The following LRTM2 variants were observed in gnomAD, a reference collection of about 807,000 sequenced individuals.
The protein encoded by LRTM2 is leucine rich repeat transmembrane protein 2, also known as leucine-rich repeat and transmembrane domain-containing protein 2.
Under a neutral mutation model 28.1 loss-of-function variants are expected in LRTM2, and 18 were observed. That is an observed-to-expected ratio of 0.64 (90% CI 0.44 to 0.95). LRTM2 has a LOEUF of 0.95. Ranked by LOEUF, LRTM2 falls within the 40% of genes least tolerant of loss-of-function variation. The pLI, the probability that LRTM2 is intolerant of heterozygous loss-of-function variation, is 0.00. For missense variants in LRTM2, 436 were observed against 497.2 expected, an observed-to-expected ratio of 0.88 and a Z score of 1.17; for synonymous variants, 250 against 218.7, an observed-to-expected ratio of 1.14 and a Z score of -1.26.
rs985840693 is a variant in LRTM2 at position 1,833,265 on chromosome 12, C to G, written c.659-1002C>G. Among the ~76,000 whole-genome samples, 3 of 152,134 alleles carry G rather than the reference C, an allele frequency of 2.0e-5. No individual in the cohort carries two copies. Among genetic ancestry groups the G allele is most frequent in the African/African-American group, 7.2e-5 (3 of 41,422 alleles). On this transcript the variant is annotated intron_variant, in intron 4 of 4. Transcript: ENST00000299194. The surrounding 1 kb of genome is among the most constrained non-coding windows in gnomAD (Gnocchi z 4.2). Reference sequence around the variant, plus strand: ...GGGCTGCAGAGGGAGCTGCCAGTGACGGAGTGGCTGCAGCCCGCATCTTTT... The same window carrying G: ...GGGCTGCAGAGGGAGCTGCCAGTGAGGGAGTGGCTGCAGCCCGCATCTTTT...
rs1035091111 is a variant in LRTM2, at chr12:1,831,146, C to G, written c.279C>G (p.Ser93Arg). Residue 93 changes from serine to arginine, a missense_variant, in exon 4 of 5, where the codon AGC (serine) becomes AGG (arginine). Coordinates refer to ENST00000299194, the MANE Select transcript of LRTM2 (RefSeq NM_001039029.3). ...GCTGGGCTTTCGCCAACCTCTCCAG[C>G]CTGCAGCGGTTGGACCTGTCCAACA... is the stretch of plus-strand genomic sequence containing the variant. The part of the protein sequence containing the change: ...LPSWAFANLS[S>R]LQRLDLSNNF... The G allele has an allele frequency of 1.9e-6, 3 of 1,614,018 alleles. No homozygotes were observed. Among genetic ancestry groups the G allele is most frequent in the Non-Finnish European group, 2.5e-6 (3 of 1,180,046 alleles).
At chr12:1,825,035 TA>T (rs1420530941) in intron 1 of LRTM2, among the ~76,000 whole-genome samples, 1 of 152,234 alleles carries the variant, frequency 6.6e-6, no homozygotes, top group Non-Finnish European at 1.5e-5. Flanking sequence ...CACATTTCTC[TA>T]AACAATACCA....
rs182640073 is a variant in LRTM2, at chr12:1,829,185, G to A, written c.67+970G>A. On this transcript the variant is annotated intron_variant, in intron 3 of 4. Transcript: ENST00000299194. The surrounding 1 kb of genome is among the most constrained non-coding windows in gnomAD (Gnocchi z 4.2). ...AGGGAGGTGGGGGGCGCAGGGAGTC[G>A]CTCTTCCGCAGCGGCTCTCTTAGCC... Among the ~76,000 whole-genome samples the A allele has an allele frequency of 1.9e-4, 29 of 152,286 alleles. No homozygotes were observed. The highest frequency in any genetic ancestry group is 4.1e-4 in the South Asian group (2 of 4,826).
rs943215116 is a variant in LRTM2, at chr12:1,836,163, C to G, written c.*1442C>G. The G allele has an allele frequency of 6.6e-6, 1 of 152,404 alleles. No homozygotes were observed. Among genetic ancestry groups the G allele is most frequent in the Admixed American group, 6.5e-5 (1 of 15,288 alleles). 9.4% of individuals were successfully genotyped at this position (152,404 alleles called of 1,614,324 possible). On this transcript the variant is annotated 3_prime_UTR_variant, in exon 5 of 5. Coordinates refer to ENST00000299194, the MANE Select transcript of LRTM2 (RefSeq NM_001039029.3). ...GCCAAACCAGAGAGTGGGTGGGGAGCCTGTCTGGGACAGAGCCACCTGCTG... is the reference window on the plus strand; with the variant it reads ...GCCAAACCAGAGAGTGGGTGGGGAGGCTGTCTGGGACAGAGCCACCTGCTG...
chr12:1,827,917 C>G lies in LRTM2; in HGVS notation c.-73-159C>G, dbSNP rs542770624. On this transcript the variant is annotated intron_variant, in intron 2 of 4. Transcript: ENST00000299194. Reference sequence around the variant, plus strand: ...CGCCCCCATCCCAGGGGCTTGAAGGCTTCCTGGCTCCTCTTCTTCCCCCAC... The same window carrying G: ...CGCCCCCATCCCAGGGGCTTGAAGGGTTCCTGGCTCCTCTTCTTCCCCCAC... The G allele has an allele frequency of 3.4e-5, 14 of 411,118 alleles. No homozygotes were observed. The South Asian group carries it at 8.9e-4, about 26-fold the overall frequency. 25.5% of individuals were successfully genotyped at this position (411,118 alleles called of 1,614,324 possible).
chr12:1,824,942 A>G (rs1315195493), intron 1 of LRTM2, among the ~76,000 whole-genome samples: 1 of 152,236 alleles, frequency 6.6e-6, no homozygotes, highest in Non-Finnish European at 1.5e-5. Flanking sequence ...TCCAGGAGGA[A>G]GCCCAAGGGA....
intron 1 of LRTM2, among the ~76,000 whole-genome samples, chr12:1,821,722 C>T (rs1281126051): frequency 6.6e-6 from 1 of 152,152 alleles, no homozygotes; most frequent in Non-Finnish European, 1.5e-5. Context: ...TCCCCCAGAC[C>T]CATTTGGACA....
chr12:1,821,799 T>C (rs1216264150), intron 1 of LRTM2, among the ~76,000 whole-genome samples: 2 of 152,146 alleles, frequency 1.3e-5, no homozygotes, highest in East Asian at 3.9e-4. Context: ...CCTGCAGGTC[T>C]GGGGCTGGGT....
At chr12:1,825,386 T>C (rs937320092) in intron 1 of LRTM2, among the ~76,000 whole-genome samples, 2 of 152,306 alleles carry the variant, frequency 1.3e-5, no homozygotes, top group African/African-American at 4.8e-5. Context: ...GACACCTGGA[T>C]GGGGAATCCG....
rs148585401 is a variant in LRTM2 at position 1,829,544 on chromosome 12, G to A, written c.67+1329G>A. Among the ~76,000 whole-genome samples, 1,069 of 152,214 alleles carry A rather than the reference G, an allele frequency of 7.0e-3. 3 individuals carry two copies. Among genetic ancestry groups the A allele is most frequent in the Non-Finnish European group, 0.011 (730 of 67,984 alleles). ...GGAGGCCTGGGCCAGATCTAGCCAC[G>A]TGTCAGCTCTCAGCTGTCATCGATC... On this transcript the variant is annotated intron_variant, in intron 3 of 4. Transcript: ENST00000299194. This position sits in a 1 kb window ranked among gnomAD's most constrained non-coding sequence, Gnocchi z 4.2.
intron 1 of LRTM2, among the ~76,000 whole-genome samples, chr12:1,827,065 A>G (rs1393244875): frequency 6.6e-6 from 1 of 152,210 alleles, no homozygotes; most frequent in Non-Finnish European, 1.5e-5. Context: ...CGCCTGGAGC[A>G]GTGGGCTGAC....
chr12:1,830,225 G>T (rs1030636500), intron 3 of LRTM2, among the ~76,000 whole-genome samples: 1 of 152,246 alleles, frequency 6.6e-6, no homozygotes, highest in Non-Finnish European at 1.5e-5. Flanking sequence ...AAGTGGGTTT[G>T]TACATCTTAG....
At chr12:1,826,199 C>T (rs574541304) in intron 1 of LRTM2, among the ~76,000 whole-genome samples, 6 of 152,220 alleles carry the variant, frequency 3.9e-5, no homozygotes, top group East Asian at 1.9e-4. Flanking sequence ...GGCTCAAGTC[C>T]GAGCTAGGAG....
chr12:1,824,457 CA>C (rs1416506036), intron 1 of LRTM2, among the ~76,000 whole-genome samples: 1 of 152,216 alleles, frequency 6.6e-6, no homozygotes, highest in Non-Finnish European at 1.5e-5. Flanking sequence ...TCTTCAGCCC[CA>C]TTCTCCAATC....
At chr12:1,826,405 C>CT (rs1864321273) in intron 1 of LRTM2, among the ~76,000 whole-genome samples, 1 of 39,780 alleles carries the variant, frequency 2.5e-5, no homozygotes, top group Admixed American at 2.1e-4. Context: ...CCAGAGCCCC[C>CT]CCCCCCCCCC....
chr12:1,831,616 G>A (rs950388269), intron 4 of LRTM2, 91 bp downstream of exon 4: 1 of 1,147,634 alleles, frequency 8.7e-7, no homozygotes, highest in South Asian at 1.5e-5. Flanking sequence ...TGCTGACTCA[G>A]AGAGCAGGCC....
rs574479852 is a variant in LRTM2, at chr12:1,828,969, A to G, written c.67+754A>G. ...GGCAGGGAGGAAACGGTCCCGCGGG[A>G]CGGCATTCCGCCTGACTTCCCGCTC... On this transcript the variant is annotated intron_variant, in intron 3 of 4. Coordinates refer to ENST00000299194, the MANE Select transcript of LRTM2 (RefSeq NM_001039029.3). This position sits in a 1 kb window ranked among gnomAD's most constrained non-coding sequence, Gnocchi z 4.2. Among the ~76,000 whole-genome samples the G allele has an allele frequency of 6.6e-6, 1 of 152,232 alleles. No individual in the cohort carries two copies. The highest frequency in any genetic ancestry group is 2.1e-4 in the South Asian group (1 of 4,824).
chr12:1,828,194 C>G lies in LRTM2; in HGVS notation c.46C>G (p.Leu16Val). 1 of 1,547,172 alleles carries G rather than the reference C, an allele frequency of 6.5e-7. No homozygotes were observed. Among genetic ancestry groups the G allele is most frequent in the East Asian group, 2.5e-5 (1 of 40,700 alleles). Residue 16 changes from leucine to valine, a missense_variant, in exon 3 of 5, where the codon CTG (leucine) becomes GTG (valine). Leu to Val is a conservative substitution (Grantham distance 32). Transcript: ENST00000299194. This position sits in a 1 kb window ranked among gnomAD's most constrained non-coding sequence, Gnocchi z 4.2. Reference protein sequence around the residue: ...SSPGQRGRLALQWRQVSWITC... With the variant: ...SSPGQRGRLAVQWRQVSWITC... ...CCCTGGGCAGAGGGGCAGGCTCGCC[C>G]TGCAGTGGAGGCAAGTCTCCTGTGA...
At chr12:1,830,717 C>T (rs562714239) in intron 3 of LRTM2, among the ~76,000 whole-genome samples, 20 of 152,320 alleles carry the variant, frequency 1.3e-4, no homozygotes, top group East Asian at 1.9e-4. Flanking sequence ...CAAGGCAGGG[C>T]GCCCTGCAGA....
Sources: allele counts gnomAD v4.1 joint callset (sites outside exome capture counted in the v4.1 genomes callset), GRCh38; gene constraint gnomAD v4.1.1; non-coding constraint Gnocchi (gnomAD v3.1); transcripts MANE v1.5; gene names NCBI Gene and HGNC (gene_info 2026-07-23, HGNC 2026-07-21).